The following NHEJ1 variants were observed in gnomAD, a reference collection of about 807,000 sequenced individuals.
The protein encoded by NHEJ1 is non-homologous end-joining factor 1.
A neutral mutation model predicts 39.4 loss-of-function variants in NHEJ1; 22 were observed. The observed-to-expected ratio is 0.56, with a 90% confidence interval of 0.40 to 0.80. The LOEUF is 0.80. Among genes scored for constraint, NHEJ1 ranks in the 30% least tolerant of loss-of-function variants. NHEJ1 has a pLI of 0.00. For missense variants in NHEJ1, 329 were observed against 357.1 expected (o/e 0.92, Z 0.63); for synonymous variants, 154 against 135.6 (o/e 1.14, Z -0.94).
At chr2:219,158,140 T>A in intron 2 of NHEJ1, 46 bp downstream of exon 2, 2 of 1,607,182 alleles carry the variant, frequency 1.2e-6, no homozygotes, top group Non-Finnish European at 8.5e-7. Context: ...AGCAAGCTGG[T>A]TGATGTTCAC....
rs138428886 is a variant in NHEJ1, at chr2:219,088,060, A to G, written c.589-9854T>C. ...ATTCATCATAATGGCTAGAAGGAAA[A>G]AGGATGATAATATCAAGTGTTGACA... On this transcript the variant is annotated intron_variant, in intron 5 of 7. Transcript: ENST00000356853. Among the ~76,000 whole-genome samples the G allele has an allele frequency of 1.3e-4, 20 of 152,338 alleles. No homozygotes were observed. In the East Asian group the frequency reaches 3.7e-3, roughly 28 times the overall value.
intron 5 of NHEJ1, among the ~76,000 whole-genome samples, chr2:219,091,172 C>G (rs1949156992): frequency 6.6e-6 from 1 of 152,058 alleles, no homozygotes; most frequent in Non-Finnish European, 1.5e-5. Context: ...TATCCCAATT[C>G]CAGCTGAGGA....
At chr2:219,083,373 C>T (rs1236858812) in intron 5 of NHEJ1, among the ~76,000 whole-genome samples, 1 of 149,950 alleles carries the variant, frequency 6.7e-6, no homozygotes, top group Non-Finnish European at 1.5e-5. Context: ...ACCCAACATG[C>T]GAGGATAGTA....
intron 5 of NHEJ1, among the ~76,000 whole-genome samples, chr2:219,105,214 G>A (rs577772291): frequency 1.3e-5 from 2 of 152,162 alleles, no homozygotes; most frequent in East Asian, 1.9e-4. Context: ...AACATAGGGT[G>A]TTAATCAGAA....
chr2:219,140,107 C>T lies in NHEJ1; in HGVS notation c.588+6573G>A, dbSNP rs994644056. On this transcript the variant is annotated intron_variant, in intron 5 of 7. Transcript: ENST00000356853. ...GAAAGAACATTCCAGGCAGAGGGAA[C>T]AGCCAATGTAAAGGCCTAAAGGCAG... Among the ~76,000 whole-genome samples, 5 of 152,302 alleles carry T rather than the reference C, an allele frequency of 3.3e-5. No individual in the cohort carries two copies. In the South Asian group the frequency reaches 1.0e-3, roughly 32 times the overall value.
rs1948998026 is a variant in NHEJ1 at position 219,074,861 on chromosome 2, TG to T, written c.*1519del. The stretch of plus-strand genomic sequence containing the variant: ...CAGCACACTCTAGGGTCCTGTGGTC[TG>T]GGGGTAAAGAAAAGTTATCAGCAGT... On this transcript the variant is annotated 3_prime_UTR_variant, in exon 8 of 8. Coordinates refer to ENST00000356853, the MANE Select transcript of NHEJ1 (RefSeq NM_024782.3). Among the ~76,000 whole-genome samples the T allele has an allele frequency of 6.6e-6, 1 of 152,176 alleles. No homozygotes were observed. The highest frequency in any genetic ancestry group is 1.9e-4 in the East Asian group (1 of 5,190).
chr2:219,159,668 G>A lies in NHEJ1; in HGVS notation c.-1+1052C>T, dbSNP rs868032181. 2.0e-5 allele frequency among the ~76,000 whole-genome samples: 3 copies of A among 149,776 alleles called. No individual in the cohort carries two copies. The South Asian group carries it at 6.4e-4, about 32-fold the overall frequency. On this transcript the variant is annotated intron_variant, in intron 1 of 7. Coordinates refer to ENST00000356853, the MANE Select transcript of NHEJ1 (RefSeq NM_024782.3). Reference sequence around the variant, plus strand: ...CTCAAAGCCTTGTGTTTGGAGGATGGTGTTTCCGTCACATTTCCCACATGC... The same window carrying A: ...CTCAAAGCCTTGTGTTTGGAGGATGATGTTTCCGTCACATTTCCCACATGC...
chr2:219,099,457 C>A (rs940662835), intron 5 of NHEJ1, among the ~76,000 whole-genome samples: 8 of 152,110 alleles, frequency 5.3e-5, no homozygotes, highest in African/African-American at 1.9e-4. Flanking sequence ...TGAGATAGGG[C>A]AAGAGTCAAC....
intron 5 of NHEJ1, among the ~76,000 whole-genome samples, chr2:219,124,439 C>T (rs925545653): frequency 1.3e-5 from 2 of 151,866 alleles, no homozygotes; most frequent in Non-Finnish European, 2.9e-5. Context: ...CCCTTCTGCA[C>T]ACCTCTCATA....
At chr2:219,110,298 T>C (rs1008469757) in intron 5 of NHEJ1, among the ~76,000 whole-genome samples, 15 of 152,112 alleles carry the variant, frequency 9.9e-5, no homozygotes, top group Non-Finnish European at 2.9e-5. Context: ...AGAGGACTGC[T>C]TGAGCCCAGG....
chr2:219,141,379 C>CAA (rs1351205366), intron 5 of NHEJ1, among the ~76,000 whole-genome samples: 1 of 78,352 alleles, frequency 1.3e-5, no homozygotes, highest in Non-Finnish European at 2.5e-5. Context: ...GACTTGGTCT[C>CAA]AAAAAAAAAA....
At chr2:219,134,612 G>A (rs963671899) in intron 5 of NHEJ1, among the ~76,000 whole-genome samples, 1 of 152,000 alleles carries the variant, frequency 6.6e-6, no homozygotes, top group Non-Finnish European at 1.5e-5. Context: ...CATTCTCATG[G>A]CATCAAATAT....
intron 3 of NHEJ1, 120 bp downstream of exon 3, chr2:219,157,352 A>T: frequency 1.2e-6 from 1 of 846,462 alleles, no homozygotes; most frequent in South Asian, 1.5e-5. Flanking sequence ...TTAGTCAAGG[A>T]AAGTTTTCTG....
chr2:219,150,072 C>T (rs1005465795), intron 3 of NHEJ1, among the ~76,000 whole-genome samples: 2 of 152,202 alleles, frequency 1.3e-5, no homozygotes, highest in Non-Finnish European at 2.9e-5. Flanking sequence ...TCATCTGGAT[C>T]CAGATTAGAC....
chr2:219,116,651 C>A (rs1949419602), intron 5 of NHEJ1, among the ~76,000 whole-genome samples: 1 of 152,154 alleles, frequency 6.6e-6, no homozygotes, highest in African/African-American at 2.4e-5. Flanking sequence ...GCTACCATAC[C>A]CAGCCTTTCT....
At chr2:219,155,221 T>C (rs1487911917) in intron 3 of NHEJ1, among the ~76,000 whole-genome samples, 1 of 151,364 alleles carries the variant, frequency 6.6e-6, no homozygotes, top group Non-Finnish European at 1.5e-5. Flanking sequence ...CAAACATTAT[T>C]GAGGAAACAC....
intron 5 of NHEJ1, among the ~76,000 whole-genome samples, chr2:219,089,317 CA>C (rs1447146669): frequency 1.3e-5 from 2 of 152,030 alleles, no homozygotes; most frequent in Non-Finnish European, 2.9e-5. Context: ...TCATAAGAGC[CA>C]AAAAGTAGAG....
rs569364509 is a variant in NHEJ1 at position 219,130,590 on chromosome 2, C to T, written c.588+16090G>A. Among the ~76,000 whole-genome samples, 6 of 152,238 alleles carry T rather than the reference C, an allele frequency of 3.9e-5. No individual in the cohort carries two copies. In the South Asian group the frequency reaches 1.2e-3, roughly 32 times the overall value. On this transcript the variant is annotated intron_variant, in intron 5 of 7. Coordinates refer to ENST00000356853, the MANE Select transcript of NHEJ1 (RefSeq NM_024782.3). The stretch of plus-strand genomic sequence containing the variant: ...TGAGTTACGAGCGCTTGGAGAGATC[C>T]TTTCCAAGCTAGAACTTCCACATCT...
At position 219,111,267 on chromosome 2, in the gene NHEJ1, T is replaced by C. The variant is rs1304890746; in HGVS notation, c.589-33061A>G. On this transcript the variant is annotated intron_variant, in intron 5 of 7. Transcript: ENST00000356853. This position sits in a 1 kb window ranked among gnomAD's most constrained non-coding sequence, Gnocchi z 4.1. ...AGATTTATCTCACCCATTCTCCTCA[T>C]TTACTCAAAAGGCAGCTGACAAAAT... is the stretch of plus-strand genomic sequence containing the variant. 6.6e-6 allele frequency among the ~76,000 whole-genome samples: 1 copy of C among 152,170 alleles called. No individual in the cohort carries two copies. Among genetic ancestry groups the C allele is most frequent in the Non-Finnish European group, 1.5e-5 (1 of 68,038 alleles).
Sources: allele counts gnomAD v4.1 joint callset (sites outside exome capture counted in the v4.1 genomes callset), GRCh38; gene constraint gnomAD v4.1.1; non-coding constraint Gnocchi (gnomAD v3.1); transcripts MANE v1.5; gene names NCBI Gene and HGNC (gene_info 2026-07-23, HGNC 2026-07-21).